Variants in ARL15 observed in about 807,000 individuals in gnomAD.
ARL15 encodes the protein ARF like GTPase 15.
Under a neutral mutation model 25.2 loss-of-function variants are expected in ARL15, and 19 were observed. The observed-to-expected ratio is 0.75, with a 90% CI of 0.53 to 1.10. The LOEUF (loss-of-function observed/expected upper bound fraction) is 1.10, where lower values mean the gene tolerates loss of function less well. Among genes scored for constraint, ARL15 ranks in the 50% least tolerant of loss-of-function variants. ARL15 has a pLI of 0.00. For missense variants in ARL15, 220 were observed against 246.0 expected (o/e 0.89, Z 0.71); for synonymous variants, 94 against 86.8 (o/e 1.08, Z -0.46).
chr5:54,284,863 C>T (rs990432391), intron 1 of ARL15, among the ~76,000 whole-genome samples: 1 of 152,194 alleles, frequency 6.6e-6, no homozygotes, highest in Non-Finnish European at 1.5e-5. Flanking sequence ...ATGGCCTCTT[C>T]CCTCTAATTA....
intron 4 of ARL15, among the ~76,000 whole-genome samples, chr5:54,037,415 A>T (rs1750203176): frequency 6.6e-6 from 1 of 152,144 alleles, no homozygotes; most frequent in Non-Finnish European, 1.5e-5. Context: ...AATACAGAAA[A>T]TGTAGTAAAT....
chr5:54,000,619 G>T (rs1186650852), intron 4 of ARL15, among the ~76,000 whole-genome samples: 2 of 152,098 alleles, frequency 1.3e-5, no homozygotes, highest in Middle Eastern at 3.2e-3. Context: ...GGTACATATA[G>T]TATCACTATA....
chr5:54,130,116 T>C (rs1237286763), intron 3 of ARL15, among the ~76,000 whole-genome samples: 1 of 152,130 alleles, frequency 6.6e-6, no homozygotes, highest in African/African-American at 2.4e-5. Flanking sequence ...CACATGCCTG[T>C]AGTCCCAGAT....
chr5:54,270,078 G>A (rs973500679), intron 1 of ARL15, among the ~76,000 whole-genome samples: 3 of 152,148 alleles, frequency 2.0e-5, no homozygotes, highest in Admixed American at 1.3e-4. Flanking sequence ...GAAGTTTAGC[G>A]ACTGTAAAAT....
chr5:54,054,878 T>C (rs2112003857), intron 4 of ARL15, among the ~76,000 whole-genome samples: 1 of 152,246 alleles, frequency 6.6e-6, no homozygotes, highest in African/African-American at 2.4e-5. Flanking sequence ...ACCTACCTCA[T>C]CTATCTCACT....
chr5:54,039,341 CAAAA>C (rs971751667), intron 4 of ARL15, among the ~76,000 whole-genome samples: 7 of 151,928 alleles, frequency 4.6e-5, no homozygotes, highest in African/African-American at 1.5e-4. Flanking sequence ...TAGAGAAAAA[CAAAA>C]AGTGTAGAAT....
At chr5:54,100,119 C>A (rs1264144008) in intron 4 of ARL15, among the ~76,000 whole-genome samples, 2 of 152,020 alleles carry the variant, frequency 1.3e-5, no homozygotes, top group African/African-American at 4.8e-5. Flanking sequence ...CTAGAAAGAA[C>A]TTAAATATAA....
intron 4 of ARL15, among the ~76,000 whole-genome samples, chr5:53,948,994 T>G (rs1746852390): frequency 6.6e-6 from 1 of 152,156 alleles, no homozygotes; most frequent in East Asian, 1.9e-4. Context: ...AGTCGTAAAG[T>G]TTTTCCTTAA....
At chr5:53,950,497 C>T (rs1746909119) in intron 4 of ARL15, among the ~76,000 whole-genome samples, 2 of 152,276 alleles carry the variant, frequency 1.3e-5, no homozygotes, top group African/African-American at 2.4e-5. Context: ...AATCTACTCA[C>T]AGCTTTTTTT....
At chr5:53,887,391 G>A in intron 4 of ARL15, 1 of 697,994 alleles carries the variant, frequency 1.4e-6, no homozygotes, top group South Asian at 1.5e-5. Context: ...TTTCTAGGAT[G>A]GAAAAAGCAA....
intron 4 of ARL15, among the ~76,000 whole-genome samples, chr5:54,059,889 G>A (rs1382175403): frequency 1.3e-5 from 2 of 151,996 alleles, no homozygotes; most frequent in Non-Finnish European, 2.9e-5. Flanking sequence ...AGAAATAGTT[G>A]AAAAGTTCCT....
chr5:53,970,580 G>C (rs1173675096), intron 4 of ARL15, among the ~76,000 whole-genome samples: 6 of 152,166 alleles, frequency 3.9e-5, no homozygotes, highest in Non-Finnish European at 8.8e-5. Context: ...CATTCTTAAT[G>C]ACACAGTTGC....
At chr5:54,200,045 C>CA (rs1254627591) in intron 1 of ARL15, among the ~76,000 whole-genome samples, 3 of 148,582 alleles carry the variant, frequency 2.0e-5, no homozygotes, top group East Asian at 4.0e-4. Flanking sequence ...ATTCCAAGAA[C>CA]AAAAAACCAA....
At chr5:54,020,288 A>T (rs1749554429) in intron 4 of ARL15, among the ~76,000 whole-genome samples, 1 of 152,032 alleles carries the variant, frequency 6.6e-6, no homozygotes, top group African/African-American at 2.4e-5. Flanking sequence ...TAGGACTTTC[A>T]CCACCACCTT....
chr5:54,020,987 C>A (rs1204925464), intron 4 of ARL15, among the ~76,000 whole-genome samples: 1 of 151,256 alleles, frequency 6.6e-6, no homozygotes, highest in African/African-American at 2.4e-5. Flanking sequence ...GAGACACTAA[C>A]ACCAAGACAC....
intron 1 of ARL15, among the ~76,000 whole-genome samples, chr5:54,234,181 G>C (rs1756742451): frequency 6.6e-6 from 1 of 151,936 alleles, no homozygotes; most frequent in Admixed American, 6.6e-5. Flanking sequence ...TTTTTGTAGA[G>C]ATGGGGTTTC....
intron 2 of ARL15, among the ~76,000 whole-genome samples, chr5:54,162,924 C>A (rs1214660766): frequency 1.3e-5 from 2 of 152,152 alleles, no homozygotes; most frequent in Non-Finnish European, 2.9e-5. Context: ...TGGCTAGAAT[C>A]TCTACCACAA....
At chr5:54,230,357 A>G (rs1232656574) in intron 1 of ARL15, among the ~76,000 whole-genome samples, 3 of 151,292 alleles carry the variant, frequency 2.0e-5, no homozygotes, top group South Asian at 2.1e-4. Flanking sequence ...AAAAAAAAAA[A>G]AAAAAGAAAA....
chr5:54,303,359 C>CA (rs2112717250), intron 1 of ARL15, among the ~76,000 whole-genome samples: 1 of 151,906 alleles, frequency 6.6e-6, no homozygotes, highest in Non-Finnish European at 1.5e-5. Flanking sequence ...CCGTCTCTAC[C>CA]AAAAAATACA....
Sources: allele counts gnomAD v4.1 joint callset (sites outside exome capture counted in the v4.1 genomes callset), GRCh38; gene constraint gnomAD v4.1.1; transcripts MANE v1.5; gene names NCBI Gene and HGNC (gene_info 2026-07-23, HGNC 2026-07-21).